DLG2: variants seen among roughly 807,000 people sequenced by gnomAD.
DLG2 encodes discs large MAGUK scaffold protein 2, also known as disks large homolog 2.
A neutral mutation model predicts 132.5 loss-of-function variants in DLG2; 45 were observed. The ratio of observed to expected loss-of-function variants is 0.34; its 90% CI spans 0.27 to 0.44. The LOEUF (loss-of-function observed/expected upper bound fraction) is 0.44. Among genes scored for constraint, DLG2 ranks in the 20% least tolerant of loss-of-function variants. The pLI is 1.00. For missense variants in DLG2, 1,045 were observed against 1,196.9 expected (o/e 0.87, Z 1.87); for synonymous variants, 424 against 419.6 (o/e 1.01, Z -0.13).
At chr11:84,241,862 A>C (rs957418144) in intron 8 of DLG2, among the ~76,000 whole-genome samples, 3 of 152,104 alleles carry the variant, frequency 2.0e-5, no homozygotes, top group Admixed American at 2.0e-4. Context: ...TTTTGGTTCC[A>C]CTCTCAGAGA....
At chr11:83,818,015 C>A (rs2049566763) in intron 17 of DLG2, among the ~76,000 whole-genome samples, 1 of 152,192 alleles carries the variant, frequency 6.6e-6, no homozygotes, top group East Asian at 1.9e-4. Flanking sequence ...CACATACATT[C>A]CTAGCATATT....
intron 7 of DLG2, among the ~76,000 whole-genome samples, chr11:84,502,333 T>C (rs373235065): frequency 1.2e-4 from 3 of 25,060 alleles, no homozygotes; most frequent in Non-Finnish European, 2.1e-4. Flanking sequence ...TTTCTTTCTT[T>C]CTTTCTTTCT....
intron 3 of DLG2, among the ~76,000 whole-genome samples, chr11:85,395,587 C>A (rs190834968): frequency 2.6e-5 from 4 of 152,228 alleles, no homozygotes; most frequent in Non-Finnish European, 4.4e-5. Context: ...TAGCAACCAG[C>A]AGACCAGGAG....
chr11:83,808,289 T>G (rs898766080), intron 17 of DLG2, among the ~76,000 whole-genome samples: 11 of 152,136 alleles, frequency 7.2e-5, no homozygotes, highest in African/African-American at 2.2e-4. Context: ...TCAAACCCTT[T>G]TAATATTCCT....
chr11:85,395,528 T>A (rs1161449703), intron 3 of DLG2, among the ~76,000 whole-genome samples: 1 of 152,100 alleles, frequency 6.6e-6, no homozygotes, highest in Non-Finnish European at 1.5e-5. Context: ...AGGCCATACC[T>A]AGAGAAACGG....
chr11:85,376,469 T>C (rs1421603019), intron 3 of DLG2, among the ~76,000 whole-genome samples: 1 of 152,202 alleles, frequency 6.6e-6, no homozygotes, highest in Non-Finnish European at 1.5e-5. Context: ...AGTTTTTTTA[T>C]TCCTTTATTT....
chr11:83,674,716 T>G (rs1337349228), intron 18 of DLG2, among the ~76,000 whole-genome samples: 1 of 152,174 alleles, frequency 6.6e-6, no homozygotes, highest in Non-Finnish European at 1.5e-5. Flanking sequence ...AAAACAGAAG[T>G]CTTGGGCTCC....
At chr11:83,917,643 A>G (rs939739966) in intron 15 of DLG2, among the ~76,000 whole-genome samples, 2 of 152,184 alleles carry the variant, frequency 1.3e-5, no homozygotes, top group Admixed American at 6.5e-5. Context: ...TCTGTCTGCC[A>G]GTTCTTCCGC....
chr11:83,930,101 T>C (rs1386533167), intron 15 of DLG2, among the ~76,000 whole-genome samples: 1 of 152,170 alleles, frequency 6.6e-6, no homozygotes, highest in Admixed American at 6.5e-5. Context: ...ATGTGGAGCA[T>C]CATGTGATCA....
At chr11:84,448,678 CTCTCT>C (rs1241660178) in intron 7 of DLG2, among the ~76,000 whole-genome samples, 1 of 152,160 alleles carries the variant, frequency 6.6e-6, no homozygotes, top group East Asian at 1.9e-4. Flanking sequence ...GAGCCAGTAA[CTCTCT>C]TCTATGTCCC....
At chr11:84,888,747 C>T (rs1159561986) in intron 6 of DLG2, among the ~76,000 whole-genome samples, 6 of 152,146 alleles carry the variant, frequency 3.9e-5, no homozygotes, top group African/African-American at 1.4e-4. Flanking sequence ...TCACTATCAA[C>T]CCTCTTCTTC....
At chr11:83,527,729 T>C (rs1197588842) in intron 21 of DLG2, among the ~76,000 whole-genome samples, 3 of 152,162 alleles carry the variant, frequency 2.0e-5, no homozygotes, top group East Asian at 1.9e-4. Flanking sequence ...GAGACACACA[T>C]TGCACGTTGC....
intron 6 of DLG2, among the ~76,000 whole-genome samples, chr11:84,929,345 C>T (rs1053786062): frequency 6.6e-6 from 1 of 151,758 alleles, no homozygotes; most frequent in Non-Finnish European, 1.5e-5. Context: ...CTACTTACAA[C>T]CATGATAATA....
At chr11:84,518,784 C>T (rs570305250) in intron 7 of DLG2, among the ~76,000 whole-genome samples, 7 of 152,190 alleles carry the variant, frequency 4.6e-5, no homozygotes, top group African/African-American at 1.4e-4. Context: ...CAAGCTAAGG[C>T]GTGCAACAAT....
intron 12 of DLG2, among the ~76,000 whole-genome samples, chr11:83,970,308 T>G (rs73509868): frequency 5.5e-4 from 84 of 152,216 alleles, no homozygotes; most frequent in African/African-American, 1.8e-3. Flanking sequence ...TTTCATAGAG[T>G]GACTTTGCTA....
At chr11:85,194,081 G>T (rs527422915) in intron 4 of DLG2, among the ~76,000 whole-genome samples, 26 of 152,362 alleles carry the variant, frequency 1.7e-4, no homozygotes, top group African/African-American at 6.0e-4. Flanking sequence ...TAACAGCTTA[G>T]GTCATGGGGA....
chr11:84,904,909 C>T (rs1449014673), intron 6 of DLG2, among the ~76,000 whole-genome samples: 1 of 152,182 alleles, frequency 6.6e-6, no homozygotes, highest in African/African-American at 2.4e-5. Flanking sequence ...ATAAAGCCAA[C>T]TGGCTTGACC....
Position 84,273,262 on chromosome 11 carries a change from A to G in DLG2, c.520-21971T>C, listed in dbSNP as rs369527307. Reference sequence around the variant, plus strand: ...AAACACTTGGCCGTTGCATAGCGAAAGCTGGTAACACTCAAACTGAGCTCA... The same window carrying G: ...AAACACTTGGCCGTTGCATAGCGAAGGCTGGTAACACTCAAACTGAGCTCA... On this transcript the variant is annotated intron_variant, in intron 7 of 27. Coordinates refer to ENST00000376104, the MANE Select transcript of DLG2 (RefSeq NM_001142699.3). 5.3e-6 allele frequency: 8 copies of G among 1,506,812 alleles called. No homozygotes were observed. In the African/African-American group the frequency reaches 1.1e-4, roughly 21 times the overall value. The allele number at this position is 1,506,812 out of a possible 1,614,324, so 93.3% of individuals were successfully genotyped here. A position where few individuals can be genotyped will look rare whatever the true frequency, so the allele number is the denominator to read the frequency against.
At chr11:85,455,436 A>G (rs1344331285) in intron 3 of DLG2, among the ~76,000 whole-genome samples, 1 of 152,130 alleles carries the variant, frequency 6.6e-6, no homozygotes, top group Non-Finnish European at 1.5e-5. Context: ...GAGACTATAG[A>G]GTTTGCTAGA....
Sources: gnomAD v4.1 joint callset for allele counts (sites outside exome capture counted in the v4.1 genomes callset) on GRCh38, gnomAD v4.1.1 for gene constraint, MANE v1.5 for transcripts, NCBI Gene and HGNC (gene_info 2026-07-23, HGNC 2026-07-21) for gene names.